Variants in ERC1 observed in about 807,000 individuals in gnomAD.
The protein encoded by ERC1 is ELKS/RAB6-interacting/CAST family member 1, also known as RAB6 interacting protein 2.
ERC1 carries 56 observed loss-of-function variants against 132.0 expected under a neutral mutation model. That is an observed-to-expected ratio of 0.42 (90% CI 0.34 to 0.53). The LOEUF (loss-of-function observed/expected upper bound fraction) is 0.53. ERC1 is among the 20% of genes least tolerant of loss of function. The probability of loss-of-function intolerance (pLI) is 0.03; values close to 1 mark genes in which losing one functional copy is unlikely to be tolerated. For synonymous variants in ERC1, 478 were observed against 476.1 expected (o/e 1.00, Z -0.05); for missense variants, 1,202 against 1,349.9 (o/e 0.89, Z 1.72).
At chr12:1,154,963 G>A (rs760176359) in intron 8 of ERC1, among the ~76,000 whole-genome samples, 26 of 152,164 alleles carry the variant, frequency 1.7e-4, no homozygotes, top group Non-Finnish European at 2.2e-4. Flanking sequence ...TGGAGCAAAC[G>A]TAAATTAGTA....
chr12:1,167,054 C>T (rs1258808851), intron 8 of ERC1, among the ~76,000 whole-genome samples: 1 of 152,122 alleles, frequency 6.6e-6, no homozygotes, highest in Non-Finnish European at 1.5e-5. Context: ...CATTAATGTT[C>T]TCAGAGTCTT....
chr12:1,489,936 C>T (rs1196295163), intron 18 of ERC1, among the ~76,000 whole-genome samples, 157 bp from the exon 19 acceptor site: 1 of 152,198 alleles, frequency 6.6e-6, no homozygotes, highest in African/African-American at 2.4e-5. Flanking sequence ...CATGAAGACG[C>T]ATTTGATATT....
chr12:1,112,087 T>C (rs2154207891), intron 5 of ERC1, 128 bp from the exon 6 acceptor site: 2 of 637,762 alleles, frequency 3.1e-6, no homozygotes, highest in Non-Finnish European at 2.8e-6. Context: ...GAAGAGGGAA[T>C]GAGGGGAACA....
chr12:1,103,995 TG>T (rs1259080861), intron 3 of ERC1, among the ~76,000 whole-genome samples: 2 of 84,246 alleles, frequency 2.4e-5, no homozygotes, highest in Non-Finnish European at 5.5e-5. Flanking sequence ...CCAGGGTACT[TG>T]GAAGTACTGA....
At chr12:1,422,008 T>G (rs1022908454) in intron 17 of ERC1, among the ~76,000 whole-genome samples, 1 of 152,072 alleles carries the variant, frequency 6.6e-6, no homozygotes, top group Non-Finnish European at 1.5e-5. Context: ...CCTGGCAAAA[T>G]AAGCTAGGGA....
chr12:1,311,014 C>T (rs2081266022), intron 15 of ERC1, among the ~76,000 whole-genome samples: 1 of 152,230 alleles, frequency 6.6e-6, no homozygotes, highest in African/African-American at 2.4e-5. Flanking sequence ...AATGATATAA[C>T]TCACAAGGGA....
At chr12:1,070,875 G>A (rs61918737) in intron 2 of ERC1, among the ~76,000 whole-genome samples, 15 of 151,932 alleles carry the variant, frequency 9.9e-5, no homozygotes, top group African/African-American at 3.1e-4. Flanking sequence ...TCCCTGCCCC[G>A]CAGCACAGGT....
At chr12:1,297,952 C>T (rs2080093240) in intron 15 of ERC1, among the ~76,000 whole-genome samples, 1 of 152,024 alleles carries the variant, frequency 6.6e-6, no homozygotes, top group Non-Finnish European at 1.5e-5. Flanking sequence ...GTTGGCTGGG[C>T]ATGGTGACTC....
At chr12:1,159,046 T>C (rs1406700820) in intron 8 of ERC1, among the ~76,000 whole-genome samples, 2 of 152,204 alleles carry the variant, frequency 1.3e-5, no homozygotes, top group East Asian at 3.8e-4. Flanking sequence ...ATTTTAGTAT[T>C]TATACATGTT....
chr12:1,096,109 A>C (rs1018448336), intron 3 of ERC1, among the ~76,000 whole-genome samples: 1 of 151,990 alleles, frequency 6.6e-6, no homozygotes, highest in Non-Finnish European at 1.5e-5. Context: ...TGTGTTTTTC[A>C]TAGAGATGGG....
At chr12:1,381,299 CAGA>C (rs1389787382) in intron 16 of ERC1, 3 of 152,152 alleles carry the variant, frequency 2.0e-5, no homozygotes, top group East Asian at 1.9e-4. Flanking sequence ...CCGAGAAAAA[CAGA>C]AGATTACAGT....
chr12:1,375,930 G>A (rs958987473), intron 16 of ERC1, among the ~76,000 whole-genome samples: 1 of 151,946 alleles, frequency 6.6e-6, no homozygotes, highest in East Asian at 1.9e-4. Flanking sequence ...TAGAGACGGG[G>A]TTTCACCAGC....
intron 7 of ERC1, among the ~76,000 whole-genome samples, chr12:1,138,535 T>TG (rs1346947700): frequency 2.0e-5 from 3 of 151,520 alleles, no homozygotes; most frequent in Non-Finnish European, 4.4e-5. Context: ...ATTTGTCTGT[T>TG]GGGGGTTTGG....
intron 15 of ERC1, among the ~76,000 whole-genome samples, chr12:1,342,467 T>C (rs1207389170): frequency 1.4e-5 from 1 of 72,034 alleles, no homozygotes. Flanking sequence ...AAACTCTGTC[T>C]CAAAAAAAAA....
At chr12:1,199,910 T>C (rs542671669) in intron 12 of ERC1, among the ~76,000 whole-genome samples, 1 of 150,224 alleles carries the variant, frequency 6.7e-6, no homozygotes, top group South Asian at 2.1e-4. Context: ...ACAGATTACA[T>C]AACTTTTTTT....
At chr12:1,206,331 C>T (rs1235849094) in intron 12 of ERC1, among the ~76,000 whole-genome samples, 5 of 152,000 alleles carry the variant, frequency 3.3e-5, no homozygotes, top group African/African-American at 1.2e-4. Flanking sequence ...CATTATATGA[C>T]CTTGGGCAAG....
intron 3 of ERC1, among the ~76,000 whole-genome samples, chr12:1,091,046 C>T (rs1196691838): frequency 6.6e-6 from 1 of 151,946 alleles, no homozygotes; most frequent in East Asian, 1.9e-4. Context: ...AACAGGCGTG[C>T]ACAAGCTAAT....
chr12:1,322,774 C>G (rs1324635064), intron 15 of ERC1, among the ~76,000 whole-genome samples: 1 of 152,102 alleles, frequency 6.6e-6, no homozygotes, highest in African/African-American at 2.4e-5. Context: ...CTTATATTTT[C>G]TAAACTTTTA....
chr12:1,329,679 C>G (rs1228152296), intron 15 of ERC1, among the ~76,000 whole-genome samples: 1 of 152,054 alleles, frequency 6.6e-6, no homozygotes, highest in African/African-American at 2.4e-5. Flanking sequence ...TCTTACCTAG[C>G]TGGGGAAGGG....
Sources: allele counts gnomAD v4.1 joint callset (sites outside exome capture counted in the v4.1 genomes callset), GRCh38; gene constraint gnomAD v4.1.1; transcripts MANE v1.5; gene names NCBI Gene and HGNC (gene_info 2026-07-23, HGNC 2026-07-21).